Variants in USP28 observed in about 807,000 individuals in gnomAD.
USP28 encodes the protein ubiquitin specific peptidase 28, also known as ubiquitin carboxyl-terminal hydrolase 28.
USP28 carries 113 observed loss-of-function variants against 145.0 expected under a neutral mutation model. The ratio of observed to expected loss-of-function variants is 0.78; its 90% CI spans 0.67 to 0.91. The LOEUF is 0.91. USP28 is among the 40% of genes least tolerant of loss of function. The probability of loss-of-function intolerance (pLI) is 0.00; values close to 1 mark genes in which losing one functional copy is unlikely to be tolerated. For missense variants in USP28, 1,201 were observed against 1,289.6 expected, an observed-to-expected ratio of 0.93 and a Z score of 1.05; for synonymous variants, 447 against 450.9, an observed-to-expected ratio of 0.99 and a Z score of 0.11.
intron 9 of USP28, 33 bp downstream of exon 9, chr11:113,830,834 G>A: frequency 6.2e-7 from 1 of 1,600,066 alleles, no homozygotes; most frequent in Non-Finnish European, 8.6e-7. Context: ...ATGATCAAAG[G>A]TCTAGAATTA....
At chr11:113,802,338 T>A (rs1939181960) in intron 23 of USP28, among the ~76,000 whole-genome samples, 1 of 152,186 alleles carries the variant, frequency 6.6e-6, no homozygotes, top group South Asian at 2.1e-4. Flanking sequence ...AATACAGATG[T>A]CAAAGTATAA....
intron 1 of USP28, among the ~76,000 whole-genome samples, chr11:113,857,205 G>C (rs1474010109): frequency 6.6e-6 from 1 of 152,108 alleles, no homozygotes; most frequent in Non-Finnish European, 1.5e-5. Flanking sequence ...CCTGCTTCCA[G>C]GTGCACTGCT....
At chr11:113,862,964 C>T (rs1440092093) in intron 1 of USP28, among the ~76,000 whole-genome samples, 1 of 152,108 alleles carries the variant, frequency 6.6e-6, no homozygotes, top group Non-Finnish European at 1.5e-5. Context: ...AAGCTTTACC[C>T]CTAAAATCAG....
chr11:113,823,422 A>G (rs1297495749), intron 12 of USP28, among the ~76,000 whole-genome samples, 183 bp downstream of exon 12: 1 of 152,196 alleles, frequency 6.6e-6, no homozygotes, highest in Non-Finnish European at 1.5e-5. Context: ...ACTATTATTT[A>G]CCCCCATGAA....
At chr11:113,823,229 T>C (rs970669187) in intron 12 of USP28, among the ~76,000 whole-genome samples, 15 of 152,220 alleles carry the variant, frequency 9.9e-5, no homozygotes, top group African/African-American at 3.6e-4. Context: ...TTTATCTTTC[T>C]TAGACACTTC....
intron 5 of USP28, among the ~76,000 whole-genome samples, chr11:113,836,750 G>A (rs970875820): frequency 2.0e-5 from 3 of 151,932 alleles, no homozygotes; most frequent in African/African-American, 7.3e-5. Context: ...TCCTCATCTC[G>A]CCACAGGAGC....
intron 17 of USP28, 71 bp downstream of exon 17, chr11:113,808,985 CTGAAGGG>C: frequency 2.1e-6 from 3 of 1,425,566 alleles, no homozygotes; most frequent in Non-Finnish European, 2.9e-6. Context: ...ACCTAGCCAG[CTGAAGGG>C]TATAGGGCTG....
chr11:113,829,269 A>T lies in USP28; in HGVS notation c.987T>A (p.Cys329Ter). 1.2e-6 allele frequency: 2 copies of T among 1,614,136 alleles called. No homozygotes were observed. Among genetic ancestry groups the T allele is most frequent in the Non-Finnish European group, 1.7e-6 (2 of 1,180,010 alleles). ...CACCCTCCACCATGGCCCCTTCCAA[A>T]CACTCGTCTAAGTTGCGATAACCGT... The change falls in exon 10 of 25, where the codon TGT (cysteine) becomes TGA (stop). Residue 329 changes from cysteine (C) to a stop codon, truncating the protein, a stop_gained. Transcript: ENST00000003302. LOFTEE classifies it high-confidence loss of function.
chr11:113,830,067 C>T (rs1014256773), intron 9 of USP28, among the ~76,000 whole-genome samples: 1 of 152,074 alleles, frequency 6.6e-6, no homozygotes, highest in African/African-American at 2.4e-5. Context: ...GTGGGAAATG[C>T]TACAGAACAA....
exon 19 of USP28, chr11:113,806,529 T>C (rs199990097): frequency 6.2e-7 from 1 of 1,609,148 alleles, no homozygotes; most frequent in Non-Finnish European, 8.5e-7. Flanking sequence ...GTCAAAGGTC[T>C]GACGGGCTTT....
intron 3 of USP28, among the ~76,000 whole-genome samples, chr11:113,847,465 G>T: frequency 1.1e-5 from 1 of 87,812 alleles, no homozygotes; most frequent in Non-Finnish European, 2.2e-5. Context: ...GGGGGGGCGG[G>T]GTGGAGATTT....
At chr11:113,815,067 C>G (rs1941521131) in intron 14 of USP28, 107 bp downstream of exon 14, 3 of 985,330 alleles carry the variant, frequency 3.0e-6, no homozygotes, top group Non-Finnish European at 1.5e-6. Flanking sequence ...GGGGGAAATT[C>G]TGTAGCATGT....
At chr11:113,870,729 T>G (rs1157924957) in intron 1 of USP28, among the ~76,000 whole-genome samples, 1 of 152,246 alleles carries the variant, frequency 6.6e-6, no homozygotes, top group Non-Finnish European at 1.5e-5. Flanking sequence ...TGTAGCAGAA[T>G]CTGGGAACCA....
intron 23 of USP28, 101 bp downstream of exon 24, chr11:113,803,057 C>A: frequency 1.5e-6 from 2 of 1,306,830 alleles, no homozygotes; most frequent in Non-Finnish European, 2.0e-6. Context: ...AAATCTACAA[C>A]CTGTTGGAGA....
At chr11:113,838,459 C>T (rs1490703301) in intron 5 of USP28, among the ~76,000 whole-genome samples, 1 of 152,204 alleles carries the variant, frequency 6.6e-6, no homozygotes, top group Admixed American at 6.5e-5. Context: ...CCACCTCCAC[C>T]ACCTTTCCTA....
At chr11:113,844,298 G>A (rs1366339436) in intron 3 of USP28, among the ~76,000 whole-genome samples, 15 of 152,012 alleles carry the variant, frequency 9.9e-5, no homozygotes, top group East Asian at 9.7e-4. Context: ...AAAATTAGCC[G>A]GGCGTGGTGG....
chr11:113,803,044 G>A lies in USP28; in HGVS notation c.2862+114C>T, dbSNP rs75309489. The stretch of plus-strand genomic sequence containing the variant: ...TAAAACTGTTCATGAGAATTTTGGG[G>A]GGAAATCTACAACCTGTTGGAGATA... On this transcript the variant is annotated intron_variant, in intron 23 of 24. Coordinates refer to ENST00000003302, the Ensembl canonical transcript of USP28. 1,204 of 1,225,820 alleles carry A rather than the reference G, an allele frequency of 9.8e-4. 11 individuals carry two copies. In the African/African-American group the frequency reaches 0.017, roughly 17 times the overall value. 75.9% of individuals were successfully genotyped at this position (1,225,820 alleles called of 1,614,324 possible).
At chr11:113,847,679 A>G (rs1946024594) in intron 3 of USP28, among the ~76,000 whole-genome samples, 1 of 152,196 alleles carries the variant, frequency 6.6e-6, no homozygotes, top group African/African-American at 2.4e-5. Context: ...TTAAAAAATA[A>G]ACAGTCCTCT....
intron 1 of USP28, chr11:113,874,630 G>T: frequency 1.6e-6 from 2 of 1,285,388 alleles, no homozygotes; most frequent in Non-Finnish European, 2.0e-6. Flanking sequence ...TGCAGTACTT[G>T]AGGGGTGAGG....
Sources: gnomAD v4.1 joint callset for allele counts (sites outside exome capture counted in the v4.1 genomes callset) on GRCh38, gnomAD v4.1.1 for gene constraint, MANE v1.5 for transcripts, NCBI Gene and HGNC (gene_info 2026-07-23, HGNC 2026-07-21) for gene names.